SPTA1: variants seen among roughly 807,000 people sequenced by gnomAD.
The protein encoded by SPTA1 is spectrin alpha, erythrocytic 1, also known as spectrin alpha chain, erythrocytic 1.
SPTA1 carries 177 observed loss-of-function variants against 324.7 expected under a neutral mutation model. That is an observed-to-expected ratio of 0.55 (90% CI 0.48 to 0.62). The LOEUF (loss-of-function observed/expected upper bound fraction) is 0.62, where lower values mean the gene tolerates loss of function less well. SPTA1 is among the 20% of genes least tolerant of loss of function. SPTA1 has a pLI of 0.00. For missense variants in SPTA1, 3,162 were observed against 2,883.6 expected (o/e 1.10, Z -2.21); for synonymous variants, 1,195 against 1,041.3 (o/e 1.15, Z -2.84).
chr1:158,663,082 GA>G, intron 16 of SPTA1, 137 bp from the exon 17 acceptor site: 1 of 1,264,706 alleles, frequency 7.9e-7, no homozygotes, highest in Non-Finnish European at 1.1e-6. Context: ...TTAAATCAGT[GA>G]AATGGAGTTG....
chr1:158,685,284 C>T lies in SPTA1; in HGVS notation c.88G>A (p.Glu30Lys), dbSNP rs766853527. The T allele has an allele frequency of 1.2e-6, 2 of 1,613,910 alleles. No individual in the cohort carries two copies. Among genetic ancestry groups the T allele is most frequent in the East Asian group, 2.2e-5 (1 of 44,862 alleles). The stretch of plus-strand genomic sequence containing the variant: ...AAACTTTGATACCGAGTCAACACTT[C>T]CTGACGCCTCTCCTGGATCTCTTCT... ...TAEEIQERRQEVLTRYQSFKE... is the reference protein window; with the variant it reads ...TAEEIQERRQKVLTRYQSFKE... The change falls in exon 2 of 52, where the codon GAA (glutamate) becomes AAA (lysine). Residue 30 changes from glutamate (E) to lysine (K), a missense_variant. Glu to Lys is a moderately conservative substitution (Grantham distance 56). Coordinates refer to ENST00000643759, the MANE Select transcript of SPTA1 (RefSeq NM_003126.4).
At chr1:158,655,917 G>A (rs942172337) in intron 20 of SPTA1, among the ~76,000 whole-genome samples, 19 of 152,050 alleles carry the variant, frequency 1.2e-4, no homozygotes, top group African/African-American at 4.6e-4. Context: ...TGCTCTCATG[G>A]TTTATTGACT....
intron 30 of SPTA1, among the ~76,000 whole-genome samples, chr1:158,643,717 AT>A (rs1357183510): frequency 3.3e-5 from 5 of 152,170 alleles, no homozygotes; most frequent in African/African-American, 1.2e-4. Context: ...TATTTAATCA[AT>A]CCTAAAAGTC....
At chr1:158,684,199 A>G (rs1655014326) in intron 2 of SPTA1, among the ~76,000 whole-genome samples, 3 of 152,064 alleles carry the variant, frequency 2.0e-5, no homozygotes, top group Admixed American at 2.0e-4. Context: ...GCTTTCACCA[A>G]ACTTCTACTG....
At chr1:158,648,739 T>A (rs2101849390) in intron 25 of SPTA1, 86 bp from the exon 26 acceptor site, 1 of 1,456,772 alleles carries the variant, frequency 6.9e-7, no homozygotes, top group Admixed American at 1.8e-5. Flanking sequence ...TTATCATCAC[T>A]ACCACTCACC....
chr1:158,636,564 C>T (rs1651089634), intron 37 of SPTA1, 77 bp downstream of exon 37: 1 of 1,534,708 alleles, frequency 6.5e-7, no homozygotes, highest in East Asian at 2.2e-5. Flanking sequence ...TTTTGTAGCA[C>T]CCTCTTATTT....
In SPTA1 at chr1:158,620,237, C is replaced by G. The variant is rs1015610738; in HGVS notation, c.6350G>C (p.Ser2117Thr). The G allele has an allele frequency of 1.9e-6, 3 of 1,613,984 alleles. No homozygotes were observed. The African/African-American group carries it at 4.0e-5, about 22-fold the overall frequency. The change falls in exon 44 of 52, where the codon AGC becomes ACC. Residue 2117 changes from serine (S) to threonine (T), a missense_variant. By Grantham distance (58) the Ser-to-Thr change is moderately conservative. Transcript: ENST00000643759. ...QQIKALGVPS[S>T]PYTWLTVEVL... ...CTCCACTGTTAACCAGGTATAAGGGCTGGAAGGCACACCTAAGGCCTTAAT... is the reference window on the plus strand; with the variant it reads ...CTCCACTGTTAACCAGGTATAAGGGGTGGAAGGCACACCTAAGGCCTTAAT...
rs1649831789 is a variant in SPTA1, at chr1:158,620,411, C to T, written c.6176G>A (p.Cys2059Tyr). The T allele has an allele frequency of 6.2e-7, 1 of 1,613,680 alleles. No homozygotes were observed. The highest frequency in any genetic ancestry group is 8.5e-7 in the Non-Finnish European group (1 of 1,180,040). ...AHKASALNNWCEKMEENLSEP... is the reference protein window; with the variant it reads ...AHKASALNNWYEKMEENLSEP... ...TGACAAGTTTTCTTCCATCTTTTCA[C>T]ACCAGTTGTTCAAAGCTGAAGCCTT... Residue 2059 changes from cysteine (C) to tyrosine (Y), a missense_variant, in exon 44 of 52, where the codon TGT becomes TAT. By Grantham distance (194) the Cys-to-Tyr change is radical (BLOSUM62 -2). Coordinates refer to ENST00000643759, the MANE Select transcript of SPTA1 (RefSeq NM_003126.4).
chr1:158,611,092 T>G lies in SPTA1; in HGVS notation c.*172A>C, dbSNP rs998074475. 28 of 904,632 alleles carry G rather than the reference T, an allele frequency of 3.1e-5. No homozygotes were observed. In the African/African-American group the frequency reaches 4.5e-4, roughly 15 times the overall value. The allele number at this position is 904,632 out of a possible 1,614,324, so 56.0% of individuals were successfully genotyped here. A position where few individuals can be genotyped will look rare whatever the true frequency, so the allele number is the denominator to read the frequency against. ...TCTATCTCCCACCCTTGAGATTTTT[T>G]AAGATCCTACAATAAATGTAATATG... is the stretch of plus-strand genomic sequence containing the variant. On this transcript the variant is annotated 3_prime_UTR_variant, in exon 52 of 52. Transcript: ENST00000643759.
chr1:158,660,656 T>C (rs913690584), intron 18 of SPTA1, among the ~76,000 whole-genome samples: 1 of 152,212 alleles, frequency 6.6e-6, no homozygotes, highest in African/African-American at 2.4e-5. Flanking sequence ...CTCAGCAAAC[T>C]GAATTTTAAC....
At chr1:158,650,874 G>A (rs1040988063) in intron 24 of SPTA1, among the ~76,000 whole-genome samples, 6 of 152,196 alleles carry the variant, frequency 3.9e-5, no homozygotes, top group Non-Finnish European at 8.8e-5. Flanking sequence ...TTTGGATATT[G>A]TAATTTGGAT....
chr1:158,661,506 C>T, intron 17 of SPTA1, 97 bp from the exon 18 acceptor site: 1 of 1,503,124 alleles, frequency 6.7e-7, no homozygotes, highest in Non-Finnish European at 9.2e-7. Context: ...AGGTTCTTTC[C>T]TTTGAAGTTC....
At chr1:158,683,341 G>A (rs374456128) in intron 3 of SPTA1, 30 bp downstream of exon 3, 93 of 1,612,412 alleles carry the variant, frequency 5.8e-5, no homozygotes, top group Non-Finnish European at 6.9e-5. Context: ...ATCAATAATT[G>A]GAAACTTCTT....
chr1:158,615,424 A>G (rs1256559592), intron 47 of SPTA1, 21 bp from the exon 48 acceptor site: 3 of 1,613,346 alleles, frequency 1.9e-6, no homozygotes, highest in Non-Finnish European at 2.5e-6. Context: ...GACAGAGAAG[A>G]GAGACAATTA....
rs1187707821 is a variant in SPTA1 at position 158,641,908 on chromosome 1, C to T, written c.4737+503G>A. The stretch of plus-strand genomic sequence containing the variant: ...CACAATAGCAAAGATTTGGAACCAA[C>T]CCAAATGTCCCACAATGGTAGACTG... On this transcript the variant is annotated intron_variant, in intron 33 of 51. Transcript: ENST00000643759. Among the ~76,000 whole-genome samples, 18 of 152,174 alleles carry T rather than the reference C, an allele frequency of 1.2e-4. 1 individual carries two copies. Among genetic ancestry groups the T allele is most frequent in the Non-Finnish European group, 2.9e-5 (2 of 68,038 alleles).
intron 8 of SPTA1, 66 bp from the exon 9 acceptor site, chr1:158,674,741 T>C (rs1324452933): frequency 1.2e-6 from 2 of 1,601,874 alleles, no homozygotes; most frequent in African/African-American, 2.7e-5. Context: ...TGAACAAAGA[T>C]TTAGGTTTGG....
rs114172862 is a variant in SPTA1, at chr1:158,611,465, G to T, written c.7135-76C>A. 594 of 1,558,138 alleles carry T rather than the reference G, an allele frequency of 3.8e-4. 3 individuals carry two copies. The African/African-American group carries it at 7.3e-3, about 19-fold the overall frequency. ...GGTTCCTTGGGGCTTCCCATATTAC[G>T]CCATAAATGCAGGAGATGGAGAGTC... On this transcript the variant is annotated intron_variant, in intron 51 of 51. Coordinates refer to ENST00000643759, the MANE Select transcript of SPTA1 (RefSeq NM_003126.4).
chr1:158,671,371 G>C lies in SPTA1; in HGVS notation c.1571C>G (p.Ala524Gly), dbSNP rs184260027. ...GATCTTCTCTTCCTGGGCAGTAAAG[G>C]CTTCCTCAAAGTCTTCATGCTTCTG... ...LLQKHEDFEE[A>G]FTAQEEKIIT... The change falls in exon 12 of 52, where the codon GCC becomes GGC. Residue 524 changes from alanine (A) to glycine (G), a missense_variant. Physicochemically the swap from Ala to Gly is moderately conservative, Grantham distance 60. Coordinates refer to ENST00000643759, the MANE Select transcript of SPTA1 (RefSeq NM_003126.4). 34 of 1,613,396 alleles carry C rather than the reference G, an allele frequency of 2.1e-5. No homozygotes were observed. In the African/African-American group the frequency reaches 2.5e-4, roughly 12 times the overall value.
intron 31 of SPTA1, 132 bp from the exon 32 acceptor site, chr1:158,643,108 A>G: frequency 1.5e-6 from 2 of 1,358,138 alleles, no homozygotes; most frequent in Non-Finnish European, 2.0e-6. Flanking sequence ...TCATTATAAA[A>G]TGCAGTGCTA....
Sources: allele counts gnomAD v4.1 joint callset (sites outside exome capture counted in the v4.1 genomes callset), GRCh38; gene constraint gnomAD v4.1.1; transcripts MANE v1.5; gene names NCBI Gene and HGNC (gene_info 2026-07-23, HGNC 2026-07-21).